The following DNAJC24 variants were observed in gnomAD, a reference collection of about 807,000 sequenced individuals.
DNAJC24 encodes dnaJ homolog subfamily C member 24.
In DNAJC24, 17 loss-of-function variants were observed where a neutral mutation model predicts 18.0. The ratio of observed to expected loss-of-function variants is 0.94; its 90% CI spans 0.65 to 1.42. The LOEUF (loss-of-function observed/expected upper bound fraction) is 1.42. Ranked by LOEUF, DNAJC24 falls within the 40% of genes most tolerant of loss-of-function variation. The pLI is 0.00. For missense variants in DNAJC24, 158 were observed against 175.6 expected (o/e 0.90, Z 0.57); for synonymous variants, 55 against 57.7 (o/e 0.95, Z 0.21).
At chr11:31,393,121 C>T (rs1037642550) in intron 2 of DNAJC24, among the ~76,000 whole-genome samples, 4 of 152,160 alleles carry the variant, frequency 2.6e-5, no homozygotes, top group South Asian at 2.1e-4. Context: ...CAGAGCCCTT[C>T]GGCTTCTATG....
At chr11:31,388,618 G>A (rs2133475985) in intron 2 of DNAJC24, among the ~76,000 whole-genome samples, 1 of 152,202 alleles carries the variant, frequency 6.6e-6, no homozygotes, top group Middle Eastern at 3.4e-3. Flanking sequence ...AATACTAAAG[G>A]TACTTCCTCT....
chr11:31,381,864 A>G (rs2133471025), intron 2 of DNAJC24, among the ~76,000 whole-genome samples: 1 of 152,298 alleles, frequency 6.6e-6, no homozygotes, highest in East Asian at 1.9e-4. Flanking sequence ...GGTGTGAGCT[A>G]CTACGCCTGG....
At chr11:31,393,594 A>G (rs1952518870) in intron 2 of DNAJC24, among the ~76,000 whole-genome samples, 1 of 152,184 alleles carries the variant, frequency 6.6e-6, no homozygotes, top group Non-Finnish European at 1.5e-5. Context: ...GTGAAGATCC[A>G]GCATAACCCT....
In DNAJC24 at chr11:31,410,568, G is replaced by A. The variant is rs79767699; in HGVS notation, c.112-4243G>A. ...CAGTTTATCAGTTTTGTGTTACACA[G>A]TTTATGCTTTTTATTTTCTGTCAAA... On this transcript the variant is annotated intron_variant, in intron 2 of 4. Transcript: ENST00000465995. Among the ~76,000 whole-genome samples, 672 of 152,310 alleles carry A rather than the reference G, an allele frequency of 4.4e-3. 2 individuals carry two copies. Among genetic ancestry groups the A allele is most frequent in the Middle Eastern group, 6.8e-3 (2 of 294 alleles).
At chr11:31,377,352 T>C (rs1478985859) in intron 2 of DNAJC24, among the ~76,000 whole-genome samples, 1 of 152,110 alleles carries the variant, frequency 6.6e-6, no homozygotes, top group Non-Finnish European at 1.5e-5. Context: ...AATTGAGATA[T>C]TTTAGAATAC....
In DNAJC24 at chr11:31,370,714, A is replaced by G. The variant is rs773695138; in HGVS notation, c.-33-2A>G. On this transcript the variant is annotated splice_acceptor_variant, in intron 1 of 4. Transcript: ENST00000465995. LOFTEE classifies it low-confidence loss of function (5UTR_SPLICE). ...TGAATTGTCATTAATATTTCTATTCAGCTAATCTGAGAAGGCCCACTTCTG... is the reference window on the plus strand; with the variant it reads ...TGAATTGTCATTAATATTTCTATTCGGCTAATCTGAGAAGGCCCACTTCTG... 2.9e-6 allele frequency: 4 copies of G among 1,400,724 alleles called. No individual in the cohort carries two copies. The highest frequency in any genetic ancestry group is 1.8e-4 in the Middle Eastern group (1 of 5,508). The allele number at this position is 1,400,724 out of a possible 1,614,324, so 86.8% of individuals were successfully genotyped here.
chr11:31,414,763 ACTCAG>A (rs765109258), intron 2 of DNAJC24, 43 bp from the exon 3 acceptor site: 3 of 1,558,644 alleles, frequency 1.9e-6, no homozygotes, highest in Non-Finnish European at 2.6e-6. Context: ...ATCTAACCCC[ACTCAG>A]CTCTCTCTAC....
chr11:31,372,855 G>A (rs551166676), intron 2 of DNAJC24, among the ~76,000 whole-genome samples: 1 of 134,560 alleles, frequency 7.4e-6, no homozygotes, highest in South Asian at 2.5e-4. Context: ...AAGATGTGTG[G>A]CAGGATCCTA....
At chr11:31,379,649 A>T (rs973300966) in intron 2 of DNAJC24, among the ~76,000 whole-genome samples, 6 of 152,216 alleles carry the variant, frequency 3.9e-5, no homozygotes, top group Admixed American at 3.3e-4. Flanking sequence ...GATGAAAAAT[A>T]TCCCCTTTAT....
chr11:31,398,775 C>T (rs1347526363), intron 2 of DNAJC24, among the ~76,000 whole-genome samples: 1 of 152,102 alleles, frequency 6.6e-6, no homozygotes, highest in African/African-American at 2.4e-5. Context: ...ACCTGATGGC[C>T]TTGGTGGCCA....
chr11:31,394,893 CTGTTT>C (rs1411145200), intron 2 of DNAJC24, among the ~76,000 whole-genome samples: 6 of 151,994 alleles, frequency 3.9e-5, no homozygotes, highest in African/African-American at 9.7e-5. Flanking sequence ...AAACAAAAAG[CTGTTT>C]TGTTTTGTAT....
At chr11:31,416,324 C>T (rs1300755443) in intron 3 of DNAJC24, 2 of 152,086 alleles carry the variant, frequency 1.3e-5, no homozygotes, top group Admixed American at 1.3e-4. Context: ...GAAGTGGCTT[C>T]GTTTGATGAT....
intron 3 of DNAJC24, 85 bp downstream of exon 3, chr11:31,415,034 C>G: frequency 1.4e-6 from 2 of 1,440,010 alleles, no homozygotes; most frequent in African/African-American, 1.4e-5. Flanking sequence ...CATTTTCCAG[C>G]ATTTGCACCA....
intron 3 of DNAJC24, among the ~76,000 whole-genome samples, chr11:31,422,381 T>C (rs916325773): frequency 1.3e-5 from 2 of 152,202 alleles, no homozygotes; most frequent in Non-Finnish European, 2.9e-5. Flanking sequence ...GAGTATACCA[T>C]ATGCCAGACA....
chr11:31,419,434 T>A (rs1942221617), intron 3 of DNAJC24, among the ~76,000 whole-genome samples: 1 of 152,090 alleles, frequency 6.6e-6, no homozygotes, highest in Non-Finnish European at 1.5e-5. Context: ...GCAAGATGAC[T>A]ACTCACATTA....
At chr11:31,424,317 A>G (rs1460961841) in intron 3 of DNAJC24, among the ~76,000 whole-genome samples, 2 of 152,166 alleles carry the variant, frequency 1.3e-5, no homozygotes, top group Admixed American at 1.3e-4. Context: ...GAAATTTATT[A>G]CACCTGTTTT....
chr11:31,418,625 A>G (rs956788530), intron 3 of DNAJC24, among the ~76,000 whole-genome samples: 16 of 152,150 alleles, frequency 1.1e-4, no homozygotes, highest in Non-Finnish European at 1.6e-4. Flanking sequence ...ACATTATTTT[A>G]TATTAAGATA....
intron 1 of DNAJC24, among the ~76,000 whole-genome samples, chr11:31,370,505 T>C (rs754314725): frequency 7.2e-5 from 11 of 152,142 alleles, no homozygotes; most frequent in Non-Finnish European, 1.3e-4. Flanking sequence ...TAAATATATA[T>C]CGTGAAATAC....
chr11:31,420,144 C>T (rs920646745), intron 3 of DNAJC24, among the ~76,000 whole-genome samples: 1 of 151,972 alleles, frequency 6.6e-6, no homozygotes, highest in Non-Finnish European at 1.5e-5. Context: ...CTACTTTTTC[C>T]GACTTATTAC....
Sources: gnomAD v4.1 joint callset for allele counts (sites outside exome capture counted in the v4.1 genomes callset) on GRCh38, gnomAD v4.1.1 for gene constraint, MANE v1.5 for transcripts, NCBI Gene and HGNC (gene_info 2026-07-23, HGNC 2026-07-21) for gene names.